Variants in TPCN2 observed in about 807,000 individuals in gnomAD.
TPCN2 encodes the protein two pore segment channel 2.
Under a neutral mutation model 111.4 loss-of-function variants are expected in TPCN2, and 92 were observed. That is an observed-to-expected ratio of 0.83 (90% CI 0.70 to 0.98). The LOEUF is 0.98. Ranked by LOEUF, TPCN2 falls within the 50% of genes least tolerant of loss-of-function variation. The probability of loss-of-function intolerance (pLI) is 0.00; values close to 1 mark genes in which losing one functional copy is unlikely to be tolerated. For missense variants in TPCN2, 995 were observed against 980.1 expected, an observed-to-expected ratio of 1.02 and a Z score of -0.20; for synonymous variants, 405 against 414.5, an observed-to-expected ratio of 0.98 and a Z score of 0.28.
At chr11:69,069,058 G>C (rs75569556) in intron 8 of TPCN2, among the ~76,000 whole-genome samples, 4,595 of 50,348 alleles carry the variant, frequency 0.091, 827 homozygotes, top group Non-Finnish European at 0.14. Context: ...GAGCAGGACT[G>C]TCTGAGTCCT....
intron 24 of TPCN2, 101 bp from the exon 25 acceptor site, chr11:69,087,774 A>G: frequency 1.2e-6 from 1 of 867,306 alleles, no homozygotes; most frequent in South Asian, 1.6e-5. Context: ...TGTGACACTC[A>G]CTTCGCATGT....
chr11:69,054,903 C>T (rs911611462), intron 3 of TPCN2, 106 bp downstream of exon 3: 3 of 1,168,890 alleles, frequency 2.6e-6, no homozygotes, highest in Non-Finnish European at 3.7e-6. Flanking sequence ...GGCAGGCTCC[C>T]CACTACATAG....
At chr11:69,077,226 A>G (rs372911846) in intron 13 of TPCN2, among the ~76,000 whole-genome samples, 12 of 74,542 alleles carry the variant, frequency 1.6e-4, no homozygotes, top group East Asian at 3.6e-4. Context: ...CCCTCCTGCC[A>G]TGTCCCTCCA....
intron 18 of TPCN2, among the ~76,000 whole-genome samples, chr11:69,082,382 G>A (rs1355310345): frequency 1.3e-5 from 2 of 152,252 alleles, no homozygotes; most frequent in African/African-American, 2.4e-5. Context: ...ATACAATCAT[G>A]TTTGGATACA....
chr11:69,078,158 G>GC (rs1430840165), intron 13 of TPCN2, among the ~76,000 whole-genome samples: 1 of 126,832 alleles, frequency 7.9e-6, no homozygotes, highest in Non-Finnish European at 1.8e-5. Flanking sequence ...TTTTCACACA[G>GC]CTTTTTTTTT....
chr11:69,086,397 C>T, intron 22 of TPCN2, 126 bp from the exon 23 acceptor site: 2 of 787,136 alleles, frequency 2.5e-6, no homozygotes, highest in South Asian at 1.5e-5. Context: ...TAGTAACGCG[C>T]TCTGCATCAT....
intron 14 of TPCN2, 33 bp downstream of exon 14, chr11:69,078,634 A>G: frequency 6.2e-7 from 1 of 1,613,550 alleles, no homozygotes; most frequent in Non-Finnish European, 8.5e-7. Context: ...GCTGGCACGG[A>G]AGTGCCGGTT....
In TPCN2 at chr11:69,084,002, G is replaced by A. The variant is rs147393231; in HGVS notation, c.1747G>A (p.Gly583Ser). The A allele has an allele frequency of 3.7e-4, 596 of 1,614,036 alleles. No homozygotes were observed. Among genetic ancestry groups the A allele is most frequent in the Non-Finnish European group, 4.9e-4 (573 of 1,180,010 alleles). The part of the protein sequence containing the change: ...LGLVQNMRAF[G>S]GILVVVYYVF... ...CCTGGTGCAGAACATGCGTGCGTTT[G>A]GCGGGATCCTGGTGGTGAGTCCCAG... The change falls in exon 19 of 25, where the codon GGC (glycine) becomes AGC (serine). Residue 583 changes from glycine (G) to serine (S), a missense_variant. By Grantham distance (56) the Gly-to-Ser change is moderately conservative (BLOSUM62 0). Transcript: ENST00000294309.
chr11:69,068,270 G>T (rs1371024771), intron 8 of TPCN2, among the ~76,000 whole-genome samples: 1 of 151,582 alleles, frequency 6.6e-6, no homozygotes, highest in Non-Finnish European at 1.5e-5. Flanking sequence ...CGCAGTGGGA[G>T]CAGGACCGTC....
At chr11:69,076,090 T>C (rs1049282039) in intron 13 of TPCN2, among the ~76,000 whole-genome samples, 1 of 152,172 alleles carries the variant, frequency 6.6e-6, no homozygotes, top group Admixed American at 6.5e-5. Flanking sequence ...AACTGCAAGA[T>C]GTAAGGAAAC....
intron 13 of TPCN2, among the ~76,000 whole-genome samples, chr11:69,073,715 C>G (rs1349433001): frequency 2.6e-5 from 4 of 152,210 alleles, no homozygotes; most frequent in African/African-American, 9.7e-5. Context: ...CTCCTGAGGC[C>G]CCTCTCAGTG....
chr11:69,058,977 A>G (rs1320850490), intron 5 of TPCN2, among the ~76,000 whole-genome samples: 1 of 152,238 alleles, frequency 6.6e-6, no homozygotes, highest in African/African-American at 2.4e-5. Flanking sequence ...ACACAGGTCT[A>G]CGTTACAAGC....
At chr11:69,056,674 A>AG (rs1446399758) in intron 4 of TPCN2, among the ~76,000 whole-genome samples, 4 of 145,790 alleles carry the variant, frequency 2.7e-5, no homozygotes, top group African/African-American at 1.0e-4. Context: ...GTTGGAATAC[A>AG]GGCGCGTGCC....
intron 5 of TPCN2, among the ~76,000 whole-genome samples, chr11:69,062,318 G>T (rs910159813): frequency 1.1e-4 from 16 of 152,284 alleles, no homozygotes; most frequent in Admixed American, 8.5e-4. Context: ...ATTTGGAGGG[G>T]ACGCACATTC....
chr11:69,085,524 C>G (rs1457157589), intron 20 of TPCN2, 147 bp from the exon 21 acceptor site: 2 of 718,668 alleles, frequency 2.8e-6, no homozygotes, highest in Non-Finnish European at 4.9e-6. Context: ...CTGCTCAGAG[C>G]AGCACTTTCC....
intron 22 of TPCN2, 96 bp downstream of exon 22, chr11:69,086,026 G>A (rs1353377912): frequency 5.5e-6 from 7 of 1,273,268 alleles, no homozygotes; most frequent in Non-Finnish European, 6.7e-6. Flanking sequence ...CGCCCGGAGC[G>A]TGGCTGGGAC....
In TPCN2 at chr11:69,084,089, G is replaced by T. The variant is rs2134639306; in HGVS notation, c.1761+73G>T. On this transcript the variant is annotated intron_variant, in intron 19 of 24. Coordinates refer to ENST00000294309, the MANE Select transcript of TPCN2 (RefSeq NM_139075.4). Reference sequence around the variant, plus strand: ...GGCTGGGAGGCTGGCGGAAGGCAGTGCCGGGCCGGCTCACTGCTCTGTCGG... The same window carrying T: ...GGCTGGGAGGCTGGCGGAAGGCAGTTCCGGGCCGGCTCACTGCTCTGTCGG... 9.6e-6 allele frequency: 14 copies of T among 1,465,770 alleles called. No homozygotes were observed. The South Asian group carries it at 1.6e-4, about 17-fold the overall frequency. 90.8% of individuals were successfully genotyped at this position (1,465,770 alleles called of 1,614,324 possible).
At chr11:69,081,542 C>A in intron 18 of TPCN2, 43 bp downstream of exon 18, 1 of 1,432,192 alleles carries the variant, frequency 7.0e-7, no homozygotes, top group South Asian at 1.3e-5. Context: ...CCTCCTGGGT[C>A]ATGCTGCTGC....
chr11:69,090,079 A>T lies in TPCN2; in HGVS notation c.*2126A>T, dbSNP rs1397792617. Reference sequence around the variant, plus strand: ...GTTCTTTTGAATGGAGAGTAGCATCAGGAACCAGGATGTGGGTGCGAGGCG... The same window carrying T: ...GTTCTTTTGAATGGAGAGTAGCATCTGGAACCAGGATGTGGGTGCGAGGCG... On this transcript the variant is annotated 3_prime_UTR_variant, in exon 25 of 25. Transcript: ENST00000294309. 1 of 152,218 alleles carries T rather than the reference A, an allele frequency of 6.6e-6. No homozygotes were observed. Among genetic ancestry groups the T allele is most frequent in the Non-Finnish European group, 1.5e-5 (1 of 68,062 alleles). The allele number at this position is 152,218 out of a possible 1,614,324, so 9.4% of individuals were successfully genotyped here.
Sources: allele counts gnomAD v4.1 joint callset (sites outside exome capture counted in the v4.1 genomes callset), GRCh38; gene constraint gnomAD v4.1.1; transcripts MANE v1.5; gene names NCBI Gene and HGNC (gene_info 2026-07-23, HGNC 2026-07-21).